CDC42BPA: variants seen among roughly 807,000 people sequenced by gnomAD.
The protein encoded by CDC42BPA is CDC42 binding protein kinase alpha, also known as serine/threonine-protein kinase MRCK alpha.
CDC42BPA carries 80 observed loss-of-function variants against 223.5 expected under a neutral mutation model. That is an observed-to-expected ratio of 0.36 (90% confidence interval 0.30 to 0.43). The LOEUF (loss-of-function observed/expected upper bound fraction) is 0.43, where lower values mean the gene tolerates loss of function less well. Among genes scored for constraint, CDC42BPA ranks in the 20% least tolerant of loss-of-function variants. CDC42BPA has a pLI of 1.00. For missense variants in CDC42BPA, 1,743 were observed against 2,099.9 expected, an observed-to-expected ratio of 0.83 and a Z score of 3.32; for synonymous variants, 694 against 718.6, an observed-to-expected ratio of 0.97 and a Z score of 0.55.
At chr1:227,218,822 A>C (rs1179456944) in intron 2 of CDC42BPA, among the ~76,000 whole-genome samples, 1 of 152,244 alleles carries the variant, frequency 6.6e-6, no homozygotes, top group Non-Finnish European at 1.5e-5. Context: ...TGTGTTCAAA[A>C]TATTTATTAA....
In CDC42BPA at chr1:227,254,102, CA is replaced by C; in HGVS notation, c.231del (p.Phe77LeufsTer4). ...CCTCGACCAATCACCTTTAATATTTCAAAGTCTTCTCTATGTAATCGCATTT... is the reference window on the plus strand; with the variant it reads ...CCTCGACCAATCACCTTTAATATTTCAAGTCTTCTCTATGTAATCGCATTT... ...VKQMRLHRED[F>X]EILKVIGRGA... On this transcript the variant is annotated frameshift_variant, in exon 2 of 37. Coordinates refer to ENST00000366766, the MANE Select transcript of CDC42BPA (RefSeq NM_001394014.1). LOFTEE classifies it high-confidence loss of function. 1.2e-6 allele frequency: 2 copies of C among 1,602,792 alleles called. No individual in the cohort carries two copies. Among genetic ancestry groups the C allele is most frequent in the Non-Finnish European group, 1.7e-6 (2 of 1,173,612 alleles).
At chr1:227,024,522 A>G (rs1667902760) in intron 31 of CDC42BPA, among the ~76,000 whole-genome samples, 1 of 152,244 alleles carries the variant, frequency 6.6e-6, no homozygotes. Flanking sequence ...AATTGCAAAA[A>G]GCTAGTAAAT....
chr1:227,273,450 CCAGA>C (rs888547794), intron 1 of CDC42BPA, among the ~76,000 whole-genome samples: 19 of 151,350 alleles, frequency 1.3e-4, no homozygotes, highest in Admixed American at 9.2e-4. Flanking sequence ...GCCTGTAATC[CCAGA>C]CACTCAGGAG....
chr1:227,033,291 A>T, intron 27 of CDC42BPA, 43 bp downstream of exon 27: 1 of 1,347,778 alleles, frequency 7.4e-7, no homozygotes, highest in Non-Finnish European at 1.1e-6. Context: ...ATACTCATTA[A>T]AAACACATAA....
intron 1 of CDC42BPA, among the ~76,000 whole-genome samples, chr1:227,285,289 G>A (rs1462527069): frequency 6.6e-6 from 1 of 152,176 alleles, no homozygotes; most frequent in Admixed American, 6.5e-5. Flanking sequence ...AGTTAACTGA[G>A]TCATAATCTC....
chr1:227,103,460 T>C (rs1572829707), intron 14 of CDC42BPA, among the ~76,000 whole-genome samples: 2 of 152,228 alleles, frequency 1.3e-5, no homozygotes, highest in African/African-American at 4.8e-5. Flanking sequence ...TATTCAATAT[T>C]TTTCATGTTA....
At chr1:227,240,001 A>G (rs1230973504) in intron 2 of CDC42BPA, among the ~76,000 whole-genome samples, 2 of 152,166 alleles carry the variant, frequency 1.3e-5, no homozygotes, top group Non-Finnish European at 2.9e-5. Context: ...ATTATCAGAC[A>G]GCAGGACTGC....
intron 35 of CDC42BPA, among the ~76,000 whole-genome samples, chr1:226,998,423 C>T (rs780374497): frequency 1.3e-5 from 2 of 152,178 alleles, no homozygotes; most frequent in Non-Finnish European, 2.9e-5. Context: ...ACCAAAACAA[C>T]AAGGTACTGG....
chr1:227,176,658 T>C (rs1481918932), intron 5 of CDC42BPA, among the ~76,000 whole-genome samples: 3 of 152,162 alleles, frequency 2.0e-5, no homozygotes, highest in Non-Finnish European at 2.9e-5. Flanking sequence ...GATATCTCTA[T>C]AGCCATGTTA....
chr1:227,058,360 C>G (rs943492828), intron 21 of CDC42BPA, among the ~76,000 whole-genome samples: 2 of 152,118 alleles, frequency 1.3e-5, no homozygotes, highest in South Asian at 2.1e-4. Flanking sequence ...GCAGGCCACC[C>G]CTACTGCTTC....
In CDC42BPA at chr1:227,256,918, C is replaced by G. The variant is rs376480662; in HGVS notation, c.179-2763G>C. The stretch of plus-strand genomic sequence containing the variant: ...ATCCAAATGTCCATCAAGAGATGAA[C>G]AGATAAACAAAATGTGATATATATA... On this transcript the variant is annotated intron_variant, in intron 1 of 36. Transcript: ENST00000366766. 1.5e-4 allele frequency among the ~76,000 whole-genome samples: 21 copies of G among 139,164 alleles called. No homozygotes were observed. The South Asian group carries it at 4.6e-3, about 31-fold the overall frequency. The allele number at this position is 139,164 out of a possible 152,430, so 91.3% of individuals were successfully genotyped here. A position where few individuals can be genotyped will look rare whatever the true frequency, so the allele number is the denominator to read the frequency against.
chr1:227,310,324 A>G (rs1693284815), intron 1 of CDC42BPA, among the ~76,000 whole-genome samples: 1 of 152,188 alleles, frequency 6.6e-6, no homozygotes, highest in Non-Finnish European at 1.5e-5. Context: ...TATCCCATGG[A>G]TTTCCAGAAC....
intron 15 of CDC42BPA, among the ~76,000 whole-genome samples, chr1:227,098,612 T>G (rs1348450121): frequency 6.6e-6 from 1 of 152,072 alleles, no homozygotes; most frequent in Non-Finnish European, 1.5e-5. Flanking sequence ...TCCTTGAGTC[T>G]TCCTTTTTCT....
intron 11 of CDC42BPA, among the ~76,000 whole-genome samples, chr1:227,120,379 A>G (rs1688460506): frequency 6.6e-6 from 1 of 152,202 alleles, no homozygotes; most frequent in South Asian, 2.1e-4. Context: ...TAGTTTCACC[A>G]CTATTTATCT....
intron 17 of CDC42BPA, among the ~76,000 whole-genome samples, chr1:227,077,465 G>A (rs894756239): frequency 1.3e-5 from 2 of 152,068 alleles, no homozygotes; most frequent in Non-Finnish European, 2.9e-5. Flanking sequence ...TTACTGAAAC[G>A]CTTTGTAATT....
rs181715663 is a variant in CDC42BPA, at chr1:227,304,251, C to T, written c.178+12754G>A. ...GCGATACCCCCTCTACAAAAAAATA[C>T]AAAAATCAGCCAGGCATAGTAGCAC... On this transcript the variant is annotated intron_variant, in intron 1 of 36. Transcript: ENST00000366766. Among the ~76,000 whole-genome samples, 10 of 152,078 alleles carry T rather than the reference C, an allele frequency of 6.6e-5. No individual in the cohort carries two copies. The East Asian group carries it at 1.9e-3, about 29-fold the overall frequency.
Position 227,273,872 on chromosome 1 carries a change from A to C in CDC42BPA, c.179-19717T>G, listed in dbSNP as rs572587689. Among the ~76,000 whole-genome samples the C allele has an allele frequency of 1.7e-3, 255 of 148,354 alleles. 1 individual carries two copies. Among genetic ancestry groups the C allele is most frequent in the African/African-American group, 5.8e-3 (238 of 40,898 alleles). On this transcript the variant is annotated intron_variant, in intron 1 of 36. Transcript: ENST00000366766. Reference sequence around the variant, plus strand: ...AAGAAACAAGGAAAAAAAAAAAAAAAACACAAATAACCCAAAGCTCTTGGA... The same window carrying C: ...AAGAAACAAGGAAAAAAAAAAAAAACACACAAATAACCCAAAGCTCTTGGA...
intron 23 of CDC42BPA, among the ~76,000 whole-genome samples, chr1:227,040,610 T>C (rs1403809919): frequency 6.6e-6 from 1 of 152,178 alleles, no homozygotes; most frequent in African/African-American, 2.4e-5. Flanking sequence ...GATACAAATA[T>C]AGGATTTTAA....
At chr1:227,299,336 A>G (rs543279434) in intron 1 of CDC42BPA, among the ~76,000 whole-genome samples, 1 of 152,310 alleles carries the variant, frequency 6.6e-6, no homozygotes, top group Non-Finnish European at 1.5e-5. Context: ...TAAATGAGAA[A>G]CACTGTTGCA....
Sources: allele counts gnomAD v4.1 joint callset (sites outside exome capture counted in the v4.1 genomes callset), GRCh38; gene constraint gnomAD v4.1.1; transcripts MANE v1.5; gene names NCBI Gene and HGNC (gene_info 2026-07-23, HGNC 2026-07-21).